SLC35F2: variants seen among roughly 807,000 people sequenced by gnomAD.
The protein encoded by SLC35F2 is solute carrier family 35 member F2.
SLC35F2 carries 25 observed loss-of-function variants against 38.1 expected under a neutral mutation model. The ratio of observed to expected loss-of-function variants is 0.66; its 90% CI spans 0.48 to 0.92. The LOEUF (loss-of-function observed/expected upper bound fraction) is 0.92. SLC35F2 is among the 40% of genes least tolerant of loss of function. SLC35F2 has a pLI of 0.00. For missense variants in SLC35F2, 409 were observed against 452.9 expected, an observed-to-expected ratio of 0.90 and a Z score of 0.88; for synonymous variants, 173 against 181.7, an observed-to-expected ratio of 0.95 and a Z score of 0.38.
chr11:107,800,424 A>T (rs1424590478), intron 7 of SLC35F2, among the ~76,000 whole-genome samples: 1 of 123,444 alleles, frequency 8.1e-6, no homozygotes, highest in East Asian at 2.0e-4. Context: ...AGCATAAATA[A>T]GGATTTGTCT....
Position 107,805,445 on chromosome 11 carries a change from A to C in SLC35F2, c.645T>G (p.Cys215Trp). ...GASLYAISNV[C>W]EEYIVKKLSR... ...TCAGCTTCTTCACGATGTATTCCTC[A>C]CAAACATTTGAAATGGCATAGAGGG... Residue 215 changes from cysteine to tryptophan, a missense_variant, in exon 5 of 8, where the codon TGT (cysteine) becomes TGG (tryptophan). Transcript: ENST00000525815. 3 of 1,614,130 alleles carry C rather than the reference A, an allele frequency of 1.9e-6. No individual in the cohort carries two copies. Among genetic ancestry groups the C allele is most frequent in the Non-Finnish European group, 2.5e-6 (3 of 1,180,016 alleles).
At chr11:107,853,101 C>G (rs982888039) in intron 1 of SLC35F2, among the ~76,000 whole-genome samples, 3 of 152,098 alleles carry the variant, frequency 2.0e-5, no homozygotes, top group African/African-American at 4.8e-5. Context: ...ACTTGAAGTT[C>G]CTTAAGCAAA....
chr11:107,845,599 G>T (rs1238231106), intron 1 of SLC35F2, among the ~76,000 whole-genome samples: 1 of 152,058 alleles, frequency 6.6e-6, no homozygotes, highest in African/African-American at 2.4e-5. Flanking sequence ...ATCTCTCTGT[G>T]TATCATTAAC....
At chr11:107,823,244 A>C (rs1200189276) in intron 1 of SLC35F2, 1 of 983,710 alleles carries the variant, frequency 1.0e-6, no homozygotes, top group Non-Finnish European at 1.2e-6. Flanking sequence ...AAACCACTAA[A>C]TTATTCTTTT....
intron 1 of SLC35F2, among the ~76,000 whole-genome samples, chr11:107,825,354 T>C: frequency 6.7e-6 from 1 of 148,452 alleles, no homozygotes; most frequent in South Asian, 2.1e-4. Context: ...AGATTCCGCA[T>C]TTCTTTCTTT....
intron 1 of SLC35F2, among the ~76,000 whole-genome samples, chr11:107,830,754 C>T (rs1366075457): frequency 2.0e-5 from 3 of 151,924 alleles, no homozygotes; most frequent in East Asian, 1.9e-4. Flanking sequence ...ATTATATCAA[C>T]CAAGTGTGGT....
intron 2 of SLC35F2, 42 bp from the exon 3 acceptor site, chr11:107,811,836 T>G: frequency 6.4e-7 from 1 of 1,572,680 alleles, no homozygotes; most frequent in East Asian, 2.2e-5. Flanking sequence ...TACTTGCAAA[T>G]GATACCATAC....
chr11:107,848,968 G>T (rs1565442309), intron 1 of SLC35F2, among the ~76,000 whole-genome samples: 1 of 152,142 alleles, frequency 6.6e-6, no homozygotes, highest in Non-Finnish European at 1.5e-5. Flanking sequence ...ATTTTTTTGA[G>T]TAAACTAGTC....
At chr11:107,793,216 C>A (rs183745109) in intron 7 of SLC35F2, among the ~76,000 whole-genome samples, 2 of 152,214 alleles carry the variant, frequency 1.3e-5, no homozygotes, top group Non-Finnish European at 2.9e-5. Context: ...CCATGCCTGG[C>A]CTCATGATCT....
chr11:107,807,058 A>T (rs953836328), intron 3 of SLC35F2, among the ~76,000 whole-genome samples, 182 bp from the exon 4 acceptor site: 8 of 152,102 alleles, frequency 5.3e-5, no homozygotes, highest in African/African-American at 1.9e-4. Context: ...CAATTCCATG[A>T]GACTGAAATT....
At chr11:107,800,595 C>T (rs765858104) in intron 7 of SLC35F2, among the ~76,000 whole-genome samples, 4 of 151,968 alleles carry the variant, frequency 2.6e-5, no homozygotes, top group Non-Finnish European at 5.9e-5. Flanking sequence ...TGAGAAAAGA[C>T]AGGTCTCGCT....
intron 1 of SLC35F2, among the ~76,000 whole-genome samples, chr11:107,825,229 A>G (rs940429513): frequency 4.6e-5 from 7 of 152,156 alleles, no homozygotes; most frequent in African/African-American, 1.4e-4. Flanking sequence ...TGGGGGTTAT[A>G]GTATTGAATA....
chr11:107,847,276 C>A (rs1860115668), intron 1 of SLC35F2, among the ~76,000 whole-genome samples: 1 of 152,094 alleles, frequency 6.6e-6, no homozygotes, highest in African/African-American at 2.4e-5. Flanking sequence ...GTCTTGAACT[C>A]CTGAGCTCCA....
intron 2 of SLC35F2, among the ~76,000 whole-genome samples, chr11:107,812,800 G>A (rs1000956250): frequency 2.1e-4 from 32 of 152,224 alleles, no homozygotes; most frequent in African/African-American, 7.0e-4. Flanking sequence ...GAAATGAAAT[G>A]TTTTCCTAGA....
chr11:107,842,439 C>T (rs1417988347), intron 1 of SLC35F2, among the ~76,000 whole-genome samples: 63 of 151,916 alleles, frequency 4.1e-4, no homozygotes, highest in Admixed American at 4.1e-3. Context: ...CTGCAACCTC[C>T]GCCTCCTGGG....
rs1386313175 is a variant in SLC35F2, at chr11:107,792,512, T to G, written c.*103A>C. The G allele has an allele frequency of 2.2e-6, 3 of 1,356,020 alleles. No homozygotes were observed. The highest frequency in any genetic ancestry group is 2.5e-5 in the East Asian group (1 of 40,718). 84.0% of individuals were successfully genotyped at this position (1,356,020 alleles called of 1,614,324 possible). A position where few individuals can be genotyped will look rare whatever the true frequency, so the allele number is the denominator to read the frequency against. On this transcript the variant is annotated 3_prime_UTR_variant, in exon 8 of 8. Transcript: ENST00000525815. ...CTAACCACTGGATCCAACCCAGGGT[T>G]GTAGAGTGTCCATTCTGAGTCTGCT...
intron 2 of SLC35F2, among the ~76,000 whole-genome samples, chr11:107,812,571 C>A (rs1288752185): frequency 6.6e-6 from 1 of 152,178 alleles, no homozygotes; most frequent in Non-Finnish European, 1.5e-5. Context: ...AGAGCTAATA[C>A]ATGCTGGACT....
Position 107,791,227 on chromosome 11 carries a change from C to T in SLC35F2, c.*1388G>A, listed in dbSNP as rs1416470156. The T allele has an allele frequency of 6.6e-6, 1 of 152,498 alleles. No homozygotes were observed. The highest frequency in any genetic ancestry group is 2.4e-5 in the African/African-American group (1 of 41,420). 9.4% of individuals were successfully genotyped at this position (152,498 alleles called of 1,614,324 possible). ...ATTGTCTTTTAACAGCTGGAGGCTC[C>T]CAGGCATACTCTTTGGTGAGAAATG... On this transcript the variant is annotated 3_prime_UTR_variant, in exon 8 of 8. Transcript: ENST00000525815.
intron 7 of SLC35F2, among the ~76,000 whole-genome samples, chr11:107,798,394 G>C (rs140257551): frequency 1.0e-3 from 157 of 152,250 alleles, no homozygotes; most frequent in Non-Finnish European, 1.9e-3. Flanking sequence ...TTCAAAACCT[G>C]TTATATTTGG....
Sources: gnomAD v4.1 joint callset for allele counts (sites outside exome capture counted in the v4.1 genomes callset) on GRCh38, gnomAD v4.1.1 for gene constraint, MANE v1.5 for transcripts, NCBI Gene and HGNC (gene_info 2026-07-23, HGNC 2026-07-21) for gene names.